Variants in ZNF148 observed in about 807,000 individuals in gnomAD.
ZNF148 encodes zinc finger protein 148, also known as Beta-Enolase Repressor Factor-1.
Under a neutral mutation model 67.7 loss-of-function variants are expected in ZNF148, and 7 were observed. The ratio of observed to expected loss-of-function variants is 0.10; its 90% CI spans 0.06 to 0.19. The LOEUF is 0.19. ZNF148 is among the 10% of genes least tolerant of loss of function. ZNF148 has a pLI of 1.00. For synonymous variants in ZNF148, 333 were observed against 330.7 expected (o/e 1.01, Z -0.08); for missense variants, 583 against 947.1 (o/e 0.62, Z 5.05).
Position 125,277,610 on chromosome 3 carries a change from T to C in ZNF148, c.667+116A>G, listed in dbSNP as rs1579686113. 4 of 775,506 alleles carry C rather than the reference T, an allele frequency of 5.2e-6. No homozygotes were observed. The East Asian group carries it at 1.2e-4, about 23-fold the overall frequency. The allele number at this position is 775,506 out of a possible 1,614,324, so 48.0% of individuals were successfully genotyped here. A position where few individuals can be genotyped will look rare whatever the true frequency, so the allele number is the denominator to read the frequency against. On this transcript the variant is annotated intron_variant, in intron 7 of 8. Coordinates refer to ENST00000360647, the MANE Select transcript of ZNF148 (RefSeq NM_021964.3). ...TTGAAGGGAGAAAAAAGATAACCTGTGATTTATAGTCTAAACCAATGGAAA... is the reference window on the plus strand; with the variant it reads ...TTGAAGGGAGAAAAAAGATAACCTGCGATTTATAGTCTAAACCAATGGAAA...
intron 1 of ZNF148, among the ~76,000 whole-genome samples, chr3:125,335,630 G>T (rs1044499529): frequency 6.6e-6 from 1 of 152,132 alleles, no homozygotes; most frequent in African/African-American, 2.4e-5. Context: ...TCCATTCTGT[G>T]TTTAAAAATA....
intron 7 of ZNF148, among the ~76,000 whole-genome samples, chr3:125,257,659 C>T (rs1201091348): frequency 6.6e-6 from 1 of 151,058 alleles, no homozygotes; most frequent in Non-Finnish European, 1.5e-5. Flanking sequence ...AAATCCACAA[C>T]TCTGTGGTTT....
In ZNF148 at chr3:125,233,405, T is replaced by G. The variant is rs1579576789; in HGVS notation, c.1321A>C (p.Asn441His). ...TTATCAACCTGATCAATGTCAGCAT[T>G]GCCTTCTGAGTCCAGTAAAGCCTGT... ...DKQALLDSEG[N>H]ADIDQVDNLQ... is the part of the protein sequence containing the mutation. The change falls in exon 9 of 9, where the codon AAT (asparagine) becomes CAT (histidine). Residue 441 changes from asparagine (N) to histidine (H), a missense_variant. Physicochemically the swap from Asn to His is moderately conservative, Grantham distance 68. Coordinates refer to ENST00000360647, the MANE Select transcript of ZNF148 (RefSeq NM_021964.3). The surrounding 1 kb of genome is among the most constrained non-coding windows in gnomAD (Gnocchi z 5.1). 6.2e-7 allele frequency: 1 copy of G among 1,614,002 alleles called. No homozygotes were observed. Among genetic ancestry groups the G allele is most frequent in the East Asian group, 2.2e-5 (1 of 44,884 alleles).
intron 4 of ZNF148, 130 bp from the exon 5 acceptor site, chr3:125,288,358 G>C (rs1177593269): frequency 1.1e-6 from 1 of 916,706 alleles, no homozygotes; most frequent in African/African-American, 1.7e-5. Context: ...ATGTGTGTGT[G>C]TCCTAACTAT....
chr3:125,342,790 T>TTA (rs1478260821), intron 1 of ZNF148, among the ~76,000 whole-genome samples: 3 of 152,212 alleles, frequency 2.0e-5, no homozygotes, highest in African/African-American at 7.2e-5. Context: ...GAAACAAAAG[T>TTA]TATAACACCA....
At chr3:125,328,954 T>C (rs1941147497) in intron 2 of ZNF148, among the ~76,000 whole-genome samples, 1 of 151,630 alleles carries the variant, frequency 6.6e-6, no homozygotes, top group Admixed American at 6.6e-5. Flanking sequence ...TAAATGTACA[T>C]AATCTTTGGT....
At chr3:125,319,922 T>C (rs1371276554) in intron 3 of ZNF148, among the ~76,000 whole-genome samples, 1 of 152,198 alleles carries the variant, frequency 6.6e-6, no homozygotes, top group African/African-American at 2.4e-5. Flanking sequence ...CACCACCTGC[T>C]CTTAAGGCCT....
intron 5 of ZNF148, among the ~76,000 whole-genome samples, chr3:125,281,636 A>C (rs1322702255): frequency 6.6e-6 from 1 of 152,182 alleles, no homozygotes; most frequent in Non-Finnish European, 1.5e-5. Context: ...ATGAAGAGTT[A>C]AGGAGTTCTA....
At chr3:125,309,286 A>G (rs1940068083) in intron 4 of ZNF148, among the ~76,000 whole-genome samples, 1 of 152,220 alleles carries the variant, frequency 6.6e-6, no homozygotes. Flanking sequence ...ATTGCCTACT[A>G]TAACCCAGGT....
At chr3:125,370,331 T>C (rs1276388360) in intron 1 of ZNF148, among the ~76,000 whole-genome samples, 1 of 152,124 alleles carries the variant, frequency 6.6e-6, no homozygotes, top group East Asian at 1.9e-4. Context: ...ACACACAGTT[T>C]TGCCTACAAT....
At chr3:125,370,893 T>A (rs1333097049) in intron 1 of ZNF148, among the ~76,000 whole-genome samples, 1 of 152,128 alleles carries the variant, frequency 6.6e-6, no homozygotes, top group East Asian at 1.9e-4. Flanking sequence ...CAAATCCCCC[T>A]CAAAATTCTT....
chr3:125,242,708 G>A (rs1936423196), intron 7 of ZNF148, among the ~76,000 whole-genome samples: 1 of 152,190 alleles, frequency 6.6e-6, no homozygotes, highest in Non-Finnish European at 1.5e-5. Flanking sequence ...AGAATGTGAG[G>A]TATGGACAAA....
intron 5 of ZNF148, among the ~76,000 whole-genome samples, chr3:125,284,709 A>G (rs758427787): frequency 6.6e-6 from 1 of 152,234 alleles, no homozygotes; most frequent in African/African-American, 2.4e-5. Flanking sequence ...TTTGATATTT[A>G]AAAGGTGTAA....
chr3:125,269,205 C>A (rs1423648626), intron 7 of ZNF148, among the ~76,000 whole-genome samples: 222 of 96,738 alleles, frequency 2.3e-3, no homozygotes, highest in Admixed American at 3.2e-3. Flanking sequence ...CGGTCTCTAC[C>A]AAAAAAAAAA....
At chr3:125,357,024 T>C (rs999181591) in intron 1 of ZNF148, 9 of 152,300 alleles carry the variant, frequency 5.9e-5, no homozygotes, top group Middle Eastern at 3.4e-3. Flanking sequence ...CAACAGAAGA[T>C]TTGTAAAAGA....
At chr3:125,272,025 T>C (rs1040098004) in intron 7 of ZNF148, among the ~76,000 whole-genome samples, 1 of 152,226 alleles carries the variant, frequency 6.6e-6, no homozygotes, top group Admixed American at 6.5e-5. Flanking sequence ...ATTTTCTTTC[T>C]GGTCCTGGCT....
At chr3:125,270,364 T>C (rs774162149) in intron 7 of ZNF148, among the ~76,000 whole-genome samples, 3 of 151,006 alleles carry the variant, frequency 2.0e-5, no homozygotes, top group Non-Finnish European at 4.4e-5. Flanking sequence ...ATACAAAAAA[T>C]TAAAAAAGAT....
intron 7 of ZNF148, among the ~76,000 whole-genome samples, chr3:125,268,135 A>G (rs1937577209): frequency 6.6e-6 from 1 of 151,994 alleles, no homozygotes; most frequent in African/African-American, 2.4e-5. Context: ...AAAATTGTCC[A>G]TACTTCCCAA....
chr3:125,263,171 T>A (rs111516250), intron 7 of ZNF148, among the ~76,000 whole-genome samples: 2,668 of 152,338 alleles, frequency 0.018, 51 homozygotes, highest in Non-Finnish European at 0.02. Flanking sequence ...TTGCCTATAG[T>A]TGTTGCACAG....
Sources: gnomAD v4.1 joint callset for allele counts (sites outside exome capture counted in the v4.1 genomes callset) on GRCh38, gnomAD v4.1.1 for gene constraint, Gnocchi (gnomAD v3.1) non-coding constraint, MANE v1.5 for transcripts, NCBI Gene and HGNC (gene_info 2026-07-23, HGNC 2026-07-21) for gene names.